The following ANKS1B variants were observed in gnomAD, a reference collection of about 807,000 sequenced individuals.
ANKS1B encodes ankyrin repeat and sterile alpha motif domain containing 1B, also known as ankyrin repeat and sterile alpha motif domain-containing protein 1B.
In ANKS1B, 36 loss-of-function variants were observed where a neutral mutation model predicts 148.3. The observed-to-expected ratio is 0.24, with a 90% CI of 0.19 to 0.32. The LOEUF (loss-of-function observed/expected upper bound fraction) is 0.32, where lower values mean the gene tolerates loss of function less well. ANKS1B is among the 10% of genes least tolerant of loss of function. ANKS1B has a pLI of 1.00. For synonymous variants in ANKS1B, 542 were observed against 560.8 expected, an observed-to-expected ratio of 0.97 and a Z score of 0.47; for missense variants, 1,157 against 1,542.6, an observed-to-expected ratio of 0.75 and a Z score of 4.19.
At chr12:99,327,389 TTATAATTACATATTATA>T (rs1222847699) in intron 12 of ANKS1B, among the ~76,000 whole-genome samples, 2 of 118,084 alleles carry the variant, frequency 1.7e-5, no homozygotes, top group African/African-American at 6.3e-5. Context: ...TAATTATATA[TTATAATTACATATTATA>T]TATAATTATA....
At chr12:98,892,511 C>T (rs2099754762) in intron 17 of ANKS1B, among the ~76,000 whole-genome samples, 1 of 152,154 alleles carries the variant, frequency 6.6e-6, no homozygotes, top group Non-Finnish European at 1.5e-5. Context: ...GAAGTGATCC[C>T]CTAAACATTT....
intron 14 of ANKS1B, among the ~76,000 whole-genome samples, chr12:99,198,104 G>A (rs1003392626): frequency 1.3e-5 from 2 of 152,072 alleles, no homozygotes; most frequent in East Asian, 3.9e-4. Context: ...GCCTTCCTTA[G>A]CATCACTCCT....
intron 22 of ANKS1B, among the ~76,000 whole-genome samples, chr12:98,784,788 T>C (rs769645209): frequency 1.3e-5 from 2 of 152,058 alleles, no homozygotes; most frequent in East Asian, 1.9e-4. Context: ...AGATGAAGGA[T>C]AGTCATTTCT....
intron 8 of ANKS1B, among the ~76,000 whole-genome samples, chr12:99,692,856 A>G (rs1185787005): frequency 6.6e-6 from 1 of 152,126 alleles, no homozygotes; most frequent in African/African-American, 2.4e-5. Flanking sequence ...TTAACTGCCT[A>G]CTCATCACCT....
At chr12:99,064,285 A>G (rs2043356685) in intron 16 of ANKS1B, among the ~76,000 whole-genome samples, 1 of 152,378 alleles carries the variant, frequency 6.6e-6, no homozygotes, top group South Asian at 2.1e-4. Context: ...GGTCTATTCC[A>G]GAGAGGGCCT....
At position 99,708,879 on chromosome 12, in the gene ANKS1B, G is replaced by C. The variant is rs572372798; in HGVS notation, c.1129-53669C>G. Among the ~76,000 whole-genome samples, 50 of 152,220 alleles carry C rather than the reference G, an allele frequency of 3.3e-4. 1 individual carries two copies. Among genetic ancestry groups the C allele is most frequent in the African/African-American group, 1.2e-3 (50 of 41,544 alleles). On this transcript the variant is annotated intron_variant, in intron 8 of 26. Transcript: ENST00000683438. ...GGAGCTATTATTCAGCATACCACAG[G>C]TCCTGTCTCATAAATGTTTTAATTG...
intron 10 of ANKS1B, among the ~76,000 whole-genome samples, chr12:99,462,872 G>A (rs755405402): frequency 5.3e-5 from 8 of 152,078 alleles, no homozygotes; most frequent in Non-Finnish European, 1.2e-4. Flanking sequence ...CTTCTCTCTT[G>A]CTCACTCTCT....
At chr12:99,782,588 T>C (rs1453253752) in intron 4 of ANKS1B, among the ~76,000 whole-genome samples, 1 of 152,138 alleles carries the variant, frequency 6.6e-6, no homozygotes, top group Non-Finnish European at 1.5e-5. Flanking sequence ...GCCATTTGAC[T>C]TTCTTATGTG....
chr12:99,670,127 C>G (rs980544485), intron 8 of ANKS1B, among the ~76,000 whole-genome samples: 6 of 152,220 alleles, frequency 3.9e-5, no homozygotes, highest in Admixed American at 6.5e-5. Context: ...GTGTATTATT[C>G]ATATCTGTTT....
At chr12:99,171,612 C>A (rs968633527) in intron 14 of ANKS1B, among the ~76,000 whole-genome samples, 3 of 152,120 alleles carry the variant, frequency 2.0e-5, no homozygotes, top group Non-Finnish European at 2.9e-5. Context: ...CCAGCCTTTA[C>A]AAAACAGATC....
At chr12:98,739,873 C>A (rs1354595663), downstream of ANKS1B, among the ~76,000 whole-genome samples, 1 of 152,170 alleles carries the variant, frequency 6.6e-6, no homozygotes, top group Non-Finnish European at 1.5e-5. Context: ...CAAATTGCGA[C>A]CCTGCTGCTT....
At chr12:98,889,922 G>A (rs190535973) in intron 17 of ANKS1B, among the ~76,000 whole-genome samples, 250 of 152,256 alleles carry the variant, frequency 1.6e-3, no homozygotes, top group Non-Finnish European at 2.6e-3. Flanking sequence ...CGAGTTTCTG[G>A]GAGGTATTAG....
At position 99,244,342 on chromosome 12, in the gene ANKS1B, T is replaced by C. The variant is rs377129108; in HGVS notation, c.2419A>G (p.Arg807Gly). 1.2e-4 allele frequency: 189 copies of C among 1,602,904 alleles called. 1 individual carries two copies. The Middle Eastern group carries it at 1.7e-3, about 14-fold the overall frequency. Residue 807 changes from arginine (R) to glycine (G), a missense_variant and splice_region_variant, in exon 14 of 27, where the codon AGA (arginine) becomes GGA (glycine). Arg to Gly is a moderately radical substitution (Grantham distance 125). Around this residue, in one of 6 missense-constraint regions of ANKS1B, gnomAD observed 661 missense variants for 642.1 expected, o/e 1.03. Coordinates refer to ENST00000683438, the MANE Select transcript of ANKS1B (RefSeq NM_001352186.2). Reference protein sequence around the residue: ...ELKEMNGETTRPRCPVQTVGQ... With the variant: ...ELKEMNGETTGPRCPVQTVGQ... ...ATAATGTAGAGGAAGGTTGCCTTAC[T>C]TGTGGTCTCACCATTCATCTCTTTA...
chr12:99,744,848 T>C (rs2060437549), intron 8 of ANKS1B, among the ~76,000 whole-genome samples: 1 of 151,624 alleles, frequency 6.6e-6, no homozygotes, highest in African/African-American at 2.4e-5. Flanking sequence ...AAAAATTAGC[T>C]GGGCGTGGTG....
intron 17 of ANKS1B, among the ~76,000 whole-genome samples, chr12:98,833,140 C>T (rs2099335152): frequency 6.6e-6 from 1 of 152,070 alleles, no homozygotes; most frequent in African/African-American, 2.4e-5. Flanking sequence ...AATCCTCAGC[C>T]CCATTCCCGG....
At chr12:99,861,533 A>G (rs1467240620) in intron 1 of ANKS1B, among the ~76,000 whole-genome samples, 1 of 152,220 alleles carries the variant, frequency 6.6e-6, no homozygotes, top group African/African-American at 2.4e-5. Flanking sequence ...TTTGTCTATC[A>G]GTAATTGTCT....
At chr12:98,845,652 A>T (rs1195229884) in intron 17 of ANKS1B, among the ~76,000 whole-genome samples, 1 of 152,164 alleles carries the variant, frequency 6.6e-6, no homozygotes, top group Non-Finnish European at 1.5e-5. Flanking sequence ...CCAGCCTGGA[A>T]AAGGCACTGG....
intron 1 of ANKS1B, among the ~76,000 whole-genome samples, chr12:99,948,746 G>T (rs185792085): frequency 1.3e-5 from 2 of 152,156 alleles, no homozygotes; most frequent in South Asian, 2.1e-4. Flanking sequence ...AAAAATAGAC[G>T]ATGTAACAGA....
chr12:99,973,841 G>A (rs762592841), intron 1 of ANKS1B, among the ~76,000 whole-genome samples: 22 of 152,144 alleles, frequency 1.4e-4, no homozygotes, highest in Non-Finnish European at 2.5e-4. Context: ...GTGGTTTCAC[G>A]AGTGGAATCG....
Sources: gnomAD v4.1 joint callset for allele counts (sites outside exome capture counted in the v4.1 genomes callset) on GRCh38, gnomAD v4.1.1 for gene constraint, gnomAD v4.1.1 regional missense constraint, MANE v1.5 for transcripts, NCBI Gene and HGNC (gene_info 2026-07-23, HGNC 2026-07-21) for gene names.